CAMKMT: variants seen among roughly 807,000 people sequenced by gnomAD.
The protein encoded by CAMKMT is CaM KMT.
Under a neutral mutation model 48.0 loss-of-function variants are expected in CAMKMT, and 53 were observed. The ratio of observed to expected loss-of-function variants is 1.10; its 90% CI spans 0.89 to 1.39. The LOEUF (loss-of-function observed/expected upper bound fraction) is 1.39, where lower values mean the gene tolerates loss of function less well. CAMKMT is among the 40% of genes most tolerant of loss of function. The pLI, the probability that CAMKMT is intolerant of heterozygous loss-of-function variation, is 0.00. For missense variants in CAMKMT, 428 were observed against 402.7 expected, an observed-to-expected ratio of 1.06 and a Z score of -0.54; for synonymous variants, 165 against 152.3, an observed-to-expected ratio of 1.08 and a Z score of -0.61.
chr2:44,392,298 T>C (rs565042520), intron 3 of CAMKMT, among the ~76,000 whole-genome samples: 8 of 152,250 alleles, frequency 5.3e-5, no homozygotes, highest in African/African-American at 1.9e-4. Flanking sequence ...TAAGACCTCT[T>C]AAAATATGTT....
At chr2:44,583,164 G>A (rs943626401) in intron 3 of CAMKMT, among the ~76,000 whole-genome samples, 4 of 152,116 alleles carry the variant, frequency 2.6e-5, no homozygotes, top group Non-Finnish European at 5.9e-5. Flanking sequence ...TATAGAAGGA[G>A]CTTTATTGAT....
chr2:44,746,225 G>A (rs1274597855), intron 8 of CAMKMT, among the ~76,000 whole-genome samples: 1 of 152,210 alleles, frequency 6.6e-6, no homozygotes, highest in Non-Finnish European at 1.5e-5. Flanking sequence ...AGCGTTTCCA[G>A]CAAGGGTGGC....
At chr2:44,519,119 A>G (rs1055314529) in intron 3 of CAMKMT, among the ~76,000 whole-genome samples, 10 of 152,214 alleles carry the variant, frequency 6.6e-5, no homozygotes, top group African/African-American at 2.4e-4. Flanking sequence ...TAATGCTATC[A>G]CAAACCACCA....
chr2:44,433,886 A>G (rs1208199633), intron 3 of CAMKMT, among the ~76,000 whole-genome samples: 2 of 152,162 alleles, frequency 1.3e-5, no homozygotes, highest in African/African-American at 4.8e-5. Flanking sequence ...GCCCTTTTAC[A>G]TACCAAATAC....
Position 44,715,364 on chromosome 2 carries a change from T to C in CAMKMT, c.623+11T>C, listed in dbSNP as rs777983739. ...GAAAATATCAAGCTGGTAAGATACC[T>C]TTCTGCATTAAAAAATTCCCATTGA... is the stretch of plus-strand genomic sequence containing the variant. On this transcript the variant is annotated intron_variant, in intron 7 of 10. Coordinates refer to ENST00000378494, the MANE Select transcript of CAMKMT (RefSeq NM_024766.5). The C allele has an allele frequency of 1.9e-6, 3 of 1,601,014 alleles. No individual in the cohort carries two copies. The East Asian group carries it at 6.7e-5, about 36-fold the overall frequency.
chr2:44,403,590 A>G (rs1304786756), intron 3 of CAMKMT, among the ~76,000 whole-genome samples: 2 of 152,054 alleles, frequency 1.3e-5, no homozygotes, highest in African/African-American at 4.8e-5. Flanking sequence ...GCCTTTATGA[A>G]CCTTCATTTT....
chr2:44,524,007 C>G (rs1397728068), intron 3 of CAMKMT, among the ~76,000 whole-genome samples: 2 of 151,876 alleles, frequency 1.3e-5, no homozygotes, highest in African/African-American at 4.8e-5. Flanking sequence ...AAACTCCTGA[C>G]CTCAGGTGAT....
At chr2:44,487,501 G>A (rs1558651428) in intron 3 of CAMKMT, among the ~76,000 whole-genome samples, 1 of 151,910 alleles carries the variant, frequency 6.6e-6, no homozygotes, top group African/African-American at 2.4e-5. Context: ...AAATTAACAG[G>A]TTTTTTTTAA....
At chr2:44,543,353 C>T (rs1045134080) in intron 3 of CAMKMT, among the ~76,000 whole-genome samples, 2 of 152,124 alleles carry the variant, frequency 1.3e-5, no homozygotes, top group Non-Finnish European at 1.5e-5. Flanking sequence ...AGACATTTCC[C>T]TGTATTAAAG....
chr2:44,472,171 C>T (rs1036263899), intron 3 of CAMKMT, among the ~76,000 whole-genome samples: 3 of 151,990 alleles, frequency 2.0e-5, no homozygotes, highest in Admixed American at 6.6e-5. Context: ...CCTGGGTTCA[C>T]GCCATTCTTC....
intron 3 of CAMKMT, among the ~76,000 whole-genome samples, chr2:44,496,935 C>A (rs934344742): frequency 4.6e-5 from 7 of 152,138 alleles, no homozygotes; most frequent in African/African-American, 1.7e-4. Flanking sequence ...TTTAGTGTAA[C>A]AGTGGACTTA....
intron 9 of CAMKMT, among the ~76,000 whole-genome samples, chr2:44,764,239 C>T (rs896703789): frequency 2.6e-5 from 4 of 152,152 alleles, no homozygotes; most frequent in African/African-American, 9.7e-5. Flanking sequence ...GATGTAAACA[C>T]AGTATGAAAA....
chr2:44,403,550 C>T (rs377125401), intron 3 of CAMKMT, among the ~76,000 whole-genome samples: 14 of 152,222 alleles, frequency 9.2e-5, no homozygotes, highest in African/African-American at 1.7e-4. Context: ...TAGCTTCTCA[C>T]TACTGCTGAT....
At chr2:44,479,414 A>G (rs1005746081) in intron 3 of CAMKMT, among the ~76,000 whole-genome samples, 1 of 152,132 alleles carries the variant, frequency 6.6e-6, no homozygotes, top group African/African-American at 2.4e-5. Context: ...TTTTTTTCCT[A>G]TCTCAGATCA....
intron 3 of CAMKMT, among the ~76,000 whole-genome samples, chr2:44,462,840 C>G (rs1667918788): frequency 6.6e-6 from 1 of 152,106 alleles, no homozygotes; most frequent in South Asian, 2.1e-4. Context: ...TGCTTTTTCT[C>G]CTTGCACTTT....
intron 3 of CAMKMT, among the ~76,000 whole-genome samples, chr2:44,437,704 T>G (rs1248925569): frequency 2.6e-5 from 4 of 151,868 alleles, no homozygotes; most frequent in South Asian, 2.1e-4. Flanking sequence ...TAAAAATCAT[T>G]TGGGCGTGGT....
intron 3 of CAMKMT, among the ~76,000 whole-genome samples, chr2:44,632,990 T>C (rs1188242634): frequency 2.0e-5 from 3 of 152,134 alleles, no homozygotes; most frequent in Non-Finnish European, 4.4e-5. Context: ...TCTATATATA[T>C]ATCTATCCTA....
At chr2:44,391,049 G>T (rs982941151) in intron 3 of CAMKMT, among the ~76,000 whole-genome samples, 1 of 152,062 alleles carries the variant, frequency 6.6e-6, no homozygotes, top group Non-Finnish European at 1.5e-5. Flanking sequence ...TGAAATATGA[G>T]CATTTTAAAT....
rs1296496531 is a variant in CAMKMT, at chr2:44,609,114, A to G, written c.377-95169A>G. ...TAGACCTCAAAGAGAGATTAATTGA[A>G]AGACATATACTGTAGCTCGTGTCCT... is the stretch of plus-strand genomic sequence containing the variant. On this transcript the variant is annotated intron_variant, in intron 3 of 10. Coordinates refer to ENST00000378494, the MANE Select transcript of CAMKMT (RefSeq NM_024766.5). 3.3e-5 allele frequency among the ~76,000 whole-genome samples: 5 copies of G among 152,216 alleles called. No individual in the cohort carries two copies. The East Asian group carries it at 9.6e-4, about 29-fold the overall frequency.
Sources: gnomAD v4.1 joint callset for allele counts (sites outside exome capture counted in the v4.1 genomes callset) on GRCh38, gnomAD v4.1.1 for gene constraint, MANE v1.5 for transcripts, NCBI Gene and HGNC (gene_info 2026-07-23, HGNC 2026-07-21) for gene names.